SEMA6D: variants seen among roughly 807,000 people sequenced by gnomAD.
The protein encoded by SEMA6D is semaphorin-6D.
SEMA6D carries 35 observed loss-of-function variants against 106.6 expected under a neutral mutation model. The ratio of observed to expected loss-of-function variants is 0.33; its 90% CI spans 0.25 to 0.44. SEMA6D has a LOEUF of 0.44. Among genes scored for constraint, SEMA6D ranks in the 20% least tolerant of loss-of-function variants. The pLI, the probability that SEMA6D is intolerant of heterozygous loss-of-function variation, is 1.00. For synonymous variants in SEMA6D, 499 were observed against 487.7 expected, an observed-to-expected ratio of 1.02 and a Z score of -0.31; for missense variants, 1,185 against 1,345.9, an observed-to-expected ratio of 0.88 and a Z score of 1.87.
At chr15:47,239,408 A>C (rs2032763697) in intron 1 of SEMA6D, among the ~76,000 whole-genome samples, 1 of 152,136 alleles carries the variant, frequency 6.6e-6, no homozygotes. Context: ...ACCATCCCCC[A>C]ATCCCACAAT....
chr15:47,545,239 GA>G (rs2045483559), intron 3 of SEMA6D, among the ~76,000 whole-genome samples: 1 of 152,146 alleles, frequency 6.6e-6, no homozygotes, highest in African/African-American at 2.4e-5. Flanking sequence ...CACTTTGGGG[GA>G]AAAAAGTATA....
At chr15:47,405,986 C>A (rs199844649) in intron 1 of SEMA6D, among the ~76,000 whole-genome samples, 3 of 152,196 alleles carry the variant, frequency 2.0e-5, no homozygotes, top group Non-Finnish European at 4.4e-5. Context: ...CTTTCACTCA[C>A]GAGGGCCATA....
intron 1 of SEMA6D, among the ~76,000 whole-genome samples, chr15:47,188,520 A>C (rs554298394): frequency 6.6e-6 from 1 of 152,236 alleles, no homozygotes; most frequent in South Asian, 2.1e-4. Context: ...TCTCAGGGGT[A>C]ATGTAGATTT....
At chr15:47,328,391 C>A (rs545099337) in intron 1 of SEMA6D, among the ~76,000 whole-genome samples, 18 of 152,246 alleles carry the variant, frequency 1.2e-4, no homozygotes, top group African/African-American at 4.3e-4. Context: ...TTTTCCCACC[C>A]AGGAGAAATA....
intron 1 of SEMA6D, among the ~76,000 whole-genome samples, chr15:47,336,484 A>G (rs2037561733): frequency 6.6e-6 from 1 of 152,176 alleles, no homozygotes; most frequent in African/African-American, 2.4e-5. Flanking sequence ...AACTACTGGG[A>G]CTTTGGACTG....
chr15:47,332,588 G>A (rs2037384337), intron 1 of SEMA6D, among the ~76,000 whole-genome samples: 1 of 152,134 alleles, frequency 6.6e-6, no homozygotes, highest in Admixed American at 6.6e-5. Context: ...TGTAACTCAA[G>A]ATGATTTTCT....
chr15:47,546,221 G>A (rs1167467579), intron 3 of SEMA6D, among the ~76,000 whole-genome samples: 1 of 152,074 alleles, frequency 6.6e-6, no homozygotes, highest in Non-Finnish European at 1.5e-5. Flanking sequence ...GGCAAGACAA[G>A]GAAGAGTTCA....
chr15:47,694,422 C>T (rs989572936), intron 4 of SEMA6D, among the ~76,000 whole-genome samples: 7 of 152,194 alleles, frequency 4.6e-5, no homozygotes, highest in African/African-American at 1.7e-4. Flanking sequence ...AATTTGAGAA[C>T]TTAAGACTCC....
At chr15:47,723,739 A>C (rs1277454234) in intron 1 of SEMA6D, among the ~76,000 whole-genome samples, 2 of 152,270 alleles carry the variant, frequency 1.3e-5, no homozygotes, top group Middle Eastern at 3.4e-3. Flanking sequence ...CTATGAGAAG[A>C]AACAAAAAGG....
chr15:47,298,231 C>T (rs2035880275), intron 1 of SEMA6D, among the ~76,000 whole-genome samples: 1 of 152,130 alleles, frequency 6.6e-6, no homozygotes, highest in African/African-American at 2.4e-5. Flanking sequence ...CTGTACCTGC[C>T]CTGCCATCTC....
chr15:47,611,360 G>A (rs1214488484), intron 4 of SEMA6D, among the ~76,000 whole-genome samples: 1 of 152,140 alleles, frequency 6.6e-6, no homozygotes, highest in Non-Finnish European at 1.5e-5. Flanking sequence ...GCTATCATAT[G>A]TATTAAAAGA....
intron 1 of SEMA6D, among the ~76,000 whole-genome samples, chr15:47,741,865 T>C (rs1235072320): frequency 1.3e-5 from 2 of 152,182 alleles, no homozygotes; most frequent in African/African-American, 4.8e-5. Flanking sequence ...GAGCTCACAG[T>C]CTAAAGAGGA....
intron 1 of SEMA6D, among the ~76,000 whole-genome samples, chr15:47,286,876 A>C (rs1301435625): frequency 6.6e-6 from 1 of 152,144 alleles, no homozygotes; most frequent in African/African-American, 2.4e-5. Flanking sequence ...TATCTTCTGC[A>C]TGAACCAATG....
chr15:47,316,927 A>G (rs1036435599), intron 1 of SEMA6D, among the ~76,000 whole-genome samples: 1 of 152,158 alleles, frequency 6.6e-6, no homozygotes, highest in African/African-American at 2.4e-5. Context: ...CTGGCCTCAT[A>G]TAACATGTTT....
intron 1 of SEMA6D, among the ~76,000 whole-genome samples, chr15:47,261,522 G>A (rs911948383): frequency 4.6e-5 from 7 of 151,894 alleles, no homozygotes; most frequent in Admixed American, 6.6e-5. Flanking sequence ...TAATGGCTTC[G>A]TTGATATATA....
chr15:47,201,323 T>C (rs1047320354), intron 1 of SEMA6D, among the ~76,000 whole-genome samples: 3 of 152,184 alleles, frequency 2.0e-5, no homozygotes, highest in African/African-American at 4.8e-5. Flanking sequence ...TCTGTTGTAC[T>C]GAGCCCATTT....
At chr15:47,595,920 A>G (rs1566920250) in intron 3 of SEMA6D, among the ~76,000 whole-genome samples, 2 of 152,122 alleles carry the variant, frequency 1.3e-5, no homozygotes, top group South Asian at 2.1e-4. Context: ...ATTCAATGTA[A>G]TATAATATTA....
chr15:47,683,964 A>G (rs1315803621), intron 4 of SEMA6D, among the ~76,000 whole-genome samples: 1 of 152,252 alleles, frequency 6.6e-6, no homozygotes, highest in Admixed American at 6.5e-5. Flanking sequence ...CTGAAGATAG[A>G]TAATAAAGAG....
At chr15:47,449,339 G>A (rs1286075999) in intron 2 of SEMA6D, among the ~76,000 whole-genome samples, 1 of 152,034 alleles carries the variant, frequency 6.6e-6, no homozygotes, top group Non-Finnish European at 1.5e-5. Flanking sequence ...AATAATGCTG[G>A]TGTCCATTGG....
Sources: allele counts gnomAD v4.1 joint callset (sites outside exome capture counted in the v4.1 genomes callset), GRCh38; gene constraint gnomAD v4.1.1; transcripts MANE v1.5; gene names NCBI Gene and HGNC (gene_info 2026-07-23, HGNC 2026-07-21).